GALNT13: variants seen among roughly 807,000 people sequenced by gnomAD.
GALNT13 encodes polypeptide N-acetylgalactosaminyltransferase 13, also known as UDP-GalNAc:polypeptide N-acetylgalactosaminyltransferase 13.
GALNT13 carries 28 observed loss-of-function variants against 64.2 expected under a neutral mutation model. That is an observed-to-expected ratio of 0.44 (90% CI 0.32 to 0.60). The LOEUF is 0.60. Ranked by LOEUF, GALNT13 falls within the 20% of genes least tolerant of loss-of-function variation. The pLI, the probability that GALNT13 is intolerant of heterozygous loss-of-function variation, is 0.05. For missense variants in GALNT13, 577 were observed against 669.8 expected, an observed-to-expected ratio of 0.86 and a Z score of 1.53; for synonymous variants, 214 against 224.6, an observed-to-expected ratio of 0.95 and a Z score of 0.42.
the GALNT13 span, among the ~76,000 whole-genome samples, chr2:153,099,232 A>C: frequency 0.24 from 36,750 of 152,154 alleles, 5,001 homozygotes; most frequent in Non-Finnish European, 0.32. Context: ...GACCGACTTG[A>C]AATTCCATTG....
chr2:154,128,406 A>T (rs559828279), intron 3 of GALNT13, among the ~76,000 whole-genome samples: 1 of 152,084 alleles, frequency 6.6e-6, no homozygotes, highest in Non-Finnish European at 1.5e-5. Context: ...AATTATTTTG[A>T]TTATTAAAGT....
chr2:153,419,225 A>G, the GALNT13 span, among the ~76,000 whole-genome samples: 1 of 152,198 alleles, frequency 6.6e-6, no homozygotes. Context: ...GTGCCGAGCA[A>G]AAGGGGCTTA....
chr2:154,218,003 C>A (rs1283383564), intron 4 of GALNT13, among the ~76,000 whole-genome samples: 1 of 152,046 alleles, frequency 6.6e-6, no homozygotes, highest in Non-Finnish European at 1.5e-5. Context: ...ATCCAACAAG[C>A]CTATACTTGT....
intron 4 of GALNT13, among the ~76,000 whole-genome samples, chr2:154,163,272 C>CA (rs1684842750): frequency 6.6e-6 from 1 of 151,254 alleles, no homozygotes; most frequent in South Asian, 2.1e-4. Context: ...AATAGAGACA[C>CA]AAAAAACCCT....
upstream of GALNT13, among the ~76,000 whole-genome samples, chr2:153,867,862 G>A (rs1685793143): frequency 6.6e-6 from 1 of 152,042 alleles, no homozygotes; most frequent in South Asian, 2.1e-4. Flanking sequence ...ACAGGAGGTG[G>A]AGCTCAGGCA....
At chr2:153,180,904 G>C in the GALNT13 span, among the ~76,000 whole-genome samples, 607 of 150,492 alleles carry the variant, frequency 4.0e-3, 2 homozygotes, top group Non-Finnish European at 7.4e-3. Context: ...TTTAATTGCC[G>C]ATTTTTTCTT....
chr2:153,263,015 C>G, the GALNT13 span, among the ~76,000 whole-genome samples: 1 of 151,916 alleles, frequency 6.6e-6, no homozygotes, highest in Non-Finnish European at 1.5e-5. Flanking sequence ...TAAATTGTCT[C>G]TGTATAGATA....
chr2:153,314,822 T>G, the GALNT13 span, among the ~76,000 whole-genome samples: 1 of 151,534 alleles, frequency 6.6e-6, no homozygotes, highest in African/African-American at 2.4e-5. Flanking sequence ...ATTTAAAAAA[T>G]AAGGTCTTGT....
intron 4 of GALNT13, among the ~76,000 whole-genome samples, chr2:154,237,633 T>C (rs1689265704): frequency 6.6e-6 from 1 of 150,446 alleles, no homozygotes; most frequent in Non-Finnish European, 1.5e-5. Flanking sequence ...ATGCATTTTG[T>C]TGTCTAAACA....
chr2:154,087,061 G>T (rs776158474), intron 3 of GALNT13, among the ~76,000 whole-genome samples: 3 of 152,052 alleles, frequency 2.0e-5, no homozygotes, highest in Non-Finnish European at 2.9e-5. Context: ...CTGAAAGGAG[G>T]TGTGAATTGT....
At chr2:153,589,908 A>G in the GALNT13 span, among the ~76,000 whole-genome samples, 3 of 152,300 alleles carry the variant, frequency 2.0e-5, no homozygotes, top group African/African-American at 7.2e-5. Context: ...AAAGGCCTTC[A>G]TCAAAAAGCA....
At chr2:153,845,557 C>A in the GALNT13 span, among the ~76,000 whole-genome samples, 2 of 152,190 alleles carry the variant, frequency 1.3e-5, no homozygotes, top group Non-Finnish European at 2.9e-5. Flanking sequence ...TCTCACAAGA[C>A]CCCACCTGGT....
the GALNT13 span, among the ~76,000 whole-genome samples, chr2:153,169,959 T>C: frequency 6.6e-6 from 1 of 152,158 alleles, no homozygotes; most frequent in African/African-American, 2.4e-5. Context: ...TATCCAAAAT[T>C]AAGCTTGGGA....
intron 3 of GALNT13, among the ~76,000 whole-genome samples, chr2:154,104,654 C>T (rs576521775): frequency 6.6e-6 from 1 of 152,330 alleles, no homozygotes; most frequent in African/African-American, 2.4e-5. Context: ...GCAGCTTGCC[C>T]TCTCATTTTC....
chr2:153,308,945 C>A, the GALNT13 span, among the ~76,000 whole-genome samples: 1 of 151,848 alleles, frequency 6.6e-6, no homozygotes, highest in Non-Finnish European at 1.5e-5. Flanking sequence ...TAGATTAGAT[C>A]TTTTATTATT....
chr2:153,747,448 T>TTA, the GALNT13 span, among the ~76,000 whole-genome samples: 647 of 136,634 alleles, frequency 4.7e-3, 11 homozygotes, highest in African/African-American at 0.017. Context: ...TTTTTTTTTT[T>TTA]AGATAGATTC....
chr2:153,255,531 T>G, the GALNT13 span, among the ~76,000 whole-genome samples: 2 of 151,746 alleles, frequency 1.3e-5, no homozygotes, highest in Non-Finnish European at 2.9e-5. Flanking sequence ...GCTGGTTATT[T>G]TGCTCGTTAG....
chr2:153,729,962 A>T, the GALNT13 span, among the ~76,000 whole-genome samples: 8 of 151,574 alleles, frequency 5.3e-5, no homozygotes, highest in African/African-American at 1.9e-4. Flanking sequence ...CAAAAAAAAA[A>T]TCCCATGTTC....
the GALNT13 span, among the ~76,000 whole-genome samples, chr2:153,717,639 T>C: frequency 2.6e-5 from 4 of 152,224 alleles, no homozygotes; most frequent in Admixed American, 2.6e-4. Flanking sequence ...ATCTTCTACA[T>C]ATTTTAATTC....
Sources: gnomAD v4.1 joint callset for allele counts (sites outside exome capture counted in the v4.1 genomes callset) on GRCh38, gnomAD v4.1.1 for gene constraint, MANE v1.5 for transcripts, NCBI Gene and HGNC (gene_info 2026-07-23, HGNC 2026-07-21) for gene names.